Variants in SLC35F1 observed in about 807,000 individuals in gnomAD.
SLC35F1 encodes chromosome 6 open reading frame 169.
SLC35F1 carries 14 observed loss-of-function variants against 48.7 expected under a neutral mutation model. That is an observed-to-expected ratio of 0.29 (90% CI 0.19 to 0.45). The LOEUF is 0.45. Among genes scored for constraint, SLC35F1 ranks in the 20% least tolerant of loss-of-function variants. The pLI is 1.00. For missense variants in SLC35F1, 404 were observed against 500.0 expected (o/e 0.81, Z 1.83); for synonymous variants, 190 against 202.2 (o/e 0.94, Z 0.51).
chr6:118,243,461 G>A (rs1775466473), intron 3 of SLC35F1, among the ~76,000 whole-genome samples: 2 of 152,170 alleles, frequency 1.3e-5, no homozygotes, highest in South Asian at 4.1e-4. Context: ...AAAAAGAAAT[G>A]CCTTAGCTAA....
intron 1 of SLC35F1, among the ~76,000 whole-genome samples, chr6:118,104,692 G>T (rs1273752460): frequency 6.6e-6 from 1 of 152,072 alleles, no homozygotes; most frequent in Non-Finnish European, 1.5e-5. Context: ...TCTCATCATC[G>T]TTATCTTGAA....
chr6:118,017,243 A>G (rs568633360), intron 1 of SLC35F1, among the ~76,000 whole-genome samples: 4 of 152,338 alleles, frequency 2.6e-5, no homozygotes, highest in African/African-American at 9.6e-5. Context: ...ATCCTAGAGT[A>G]AACCTGCAAG....
rs541434347 is a variant in SLC35F1, at chr6:118,250,386, T to C, written c.477+14750T>C. ...AAGGTGTTCCATAAATATTTTTGAATGAATTCATAAAATACTTGTAGGGTC... is the reference window on the plus strand; with the variant it reads ...AAGGTGTTCCATAAATATTTTTGAACGAATTCATAAAATACTTGTAGGGTC... On this transcript the variant is annotated intron_variant, in intron 3 of 7. Transcript: ENST00000360388. Among the ~76,000 whole-genome samples the C allele has an allele frequency of 8.9e-4, 135 of 152,362 alleles. 1 individual carries two copies. Among genetic ancestry groups the C allele is most frequent in the African/African-American group, 3.2e-3 (133 of 41,586 alleles).
At chr6:118,174,328 C>G (rs879044591) in intron 2 of SLC35F1, among the ~76,000 whole-genome samples, 1 of 152,058 alleles carries the variant, frequency 6.6e-6, no homozygotes, top group African/African-American at 2.4e-5. Context: ...GATCAGTCAA[C>G]AACATTCATG....
At chr6:118,083,935 C>T (rs903152342) in intron 1 of SLC35F1, among the ~76,000 whole-genome samples, 3 of 152,212 alleles carry the variant, frequency 2.0e-5, no homozygotes, top group Non-Finnish European at 4.4e-5. Flanking sequence ...ACTCTGCTGT[C>T]TCTTTATACA....
intron 1 of SLC35F1, among the ~76,000 whole-genome samples, chr6:118,059,111 A>T (rs1441476813): frequency 6.6e-6 from 1 of 152,208 alleles, no homozygotes; most frequent in Non-Finnish European, 1.5e-5. Context: ...CATTTGAGTT[A>T]CTTCTTGTAT....
At chr6:118,101,970 C>T (rs1204477883) in intron 1 of SLC35F1, among the ~76,000 whole-genome samples, 1 of 152,112 alleles carries the variant, frequency 6.6e-6, no homozygotes, top group Non-Finnish European at 1.5e-5. Flanking sequence ...CCCAGGCATA[C>T]GTCTGAGTAC....
intron 1 of SLC35F1, among the ~76,000 whole-genome samples, chr6:117,941,182 A>G (rs1269518738): frequency 6.6e-6 from 1 of 152,174 alleles, no homozygotes; most frequent in Non-Finnish European, 1.5e-5. Flanking sequence ...TTTCTGATTT[A>G]TAGATTCCAT....
At chr6:118,082,375 G>A (rs901526495) in intron 1 of SLC35F1, among the ~76,000 whole-genome samples, 9 of 152,284 alleles carry the variant, frequency 5.9e-5, no homozygotes, top group Admixed American at 4.6e-4. Flanking sequence ...AGAATGACTG[G>A]AATTTGAAGA....
intron 2 of SLC35F1, 38 bp from the exon 3 acceptor site, chr6:118,235,471 A>C (rs1440603079): frequency 5.7e-6 from 9 of 1,582,966 alleles, no homozygotes; most frequent in African/African-American, 1.4e-5. Context: ...ATTCTATTTC[A>C]GGAACCTAAC....
chr6:118,230,177 T>C (rs1046602764), intron 2 of SLC35F1, among the ~76,000 whole-genome samples: 9 of 151,898 alleles, frequency 5.9e-5, no homozygotes, highest in African/African-American at 2.2e-4. Context: ...TCATCTCTAC[T>C]AAAAATACAA....
chr6:117,952,145 T>A (rs1297820069), intron 1 of SLC35F1, among the ~76,000 whole-genome samples: 1 of 152,208 alleles, frequency 6.6e-6, no homozygotes, highest in East Asian at 1.9e-4. Flanking sequence ...TTCCGATGGA[T>A]TGAGTCCTTT....
intron 1 of SLC35F1, among the ~76,000 whole-genome samples, chr6:118,114,411 A>G (rs762374423): frequency 7.9e-5 from 12 of 152,134 alleles, no homozygotes; most frequent in Non-Finnish European, 5.9e-5. Context: ...GCTTCACATC[A>G]AAGCTATTTA....
chr6:118,037,801 T>C (rs1317863691), intron 1 of SLC35F1, among the ~76,000 whole-genome samples: 1 of 136,620 alleles, frequency 7.3e-6, no homozygotes, highest in Non-Finnish European at 1.5e-5. Context: ...TTCTCACTCA[T>C]AAACGGGAAT....
At chr6:118,042,208 T>C (rs1274123273) in intron 1 of SLC35F1, among the ~76,000 whole-genome samples, 2 of 152,176 alleles carry the variant, frequency 1.3e-5, no homozygotes, top group African/African-American at 4.8e-5. Flanking sequence ...GGCACTGTGC[T>C]AGACACTAGG....
intron 1 of SLC35F1, among the ~76,000 whole-genome samples, chr6:117,927,790 C>G (rs1482865567): frequency 1.3e-5 from 2 of 152,142 alleles, no homozygotes; most frequent in African/African-American, 4.8e-5. Flanking sequence ...AAATTTCTGC[C>G]AGGGCATAGA....
chr6:118,008,656 CT>C (rs1315222131), intron 1 of SLC35F1, among the ~76,000 whole-genome samples: 1 of 152,136 alleles, frequency 6.6e-6, no homozygotes, highest in African/African-American at 2.4e-5. Context: ...ATAAGAGAAC[CT>C]TTTCTGGAAT....
intron 1 of SLC35F1, among the ~76,000 whole-genome samples, chr6:117,963,808 T>G (rs1288735966): frequency 6.6e-6 from 1 of 152,148 alleles, no homozygotes; most frequent in Non-Finnish European, 1.5e-5. Context: ...TAAATTAAAT[T>G]AAATTTTAAG....
chr6:118,193,455 C>T (rs2114525357), intron 2 of SLC35F1, among the ~76,000 whole-genome samples: 1 of 152,300 alleles, frequency 6.6e-6, no homozygotes, highest in Middle Eastern at 3.4e-3. Flanking sequence ...CACAAACCTT[C>T]CACAACTTGT....
Sources: allele counts gnomAD v4.1 joint callset (sites outside exome capture counted in the v4.1 genomes callset), GRCh38; gene constraint gnomAD v4.1.1; transcripts MANE v1.5; gene names NCBI Gene and HGNC (gene_info 2026-07-23, HGNC 2026-07-21).